SCN7A: variants seen among roughly 807,000 people sequenced by gnomAD.
SCN7A encodes the protein sodium voltage-gated channel alpha subunit 7, also known as sodium channel protein type 7 subunit alpha.
A neutral mutation model predicts 155.2 loss-of-function variants in SCN7A; 138 were observed. The ratio of observed to expected loss-of-function variants is 0.89; its 90% confidence interval spans 0.77 to 1.02. The LOEUF (loss-of-function observed/expected upper bound fraction) is 1.02, where lower values mean the gene tolerates loss of function less well. Among genes scored for constraint, SCN7A ranks in the 50% least tolerant of loss-of-function variants. The probability of loss-of-function intolerance (pLI) is 0.00; values close to 1 mark genes in which losing one functional copy is unlikely to be tolerated. For missense variants in SCN7A, 2,058 were observed against 1,986.6 expected, an observed-to-expected ratio of 1.04 and a Z score of -0.68; for synonymous variants, 693 against 649.0, an observed-to-expected ratio of 1.07 and a Z score of -1.03.
Position 166,410,222 on chromosome 2 carries a change from A to G in SCN7A, c.3709T>C (p.Leu1237=). The part of the protein sequence containing the change: ...EDSQRPVPRP[L]NKLQGFIFDV... ...AAAAAATCTAGACATTTTCTTACTA[A>G]TGGGCGAGGTACTGGTCTTTGAGAA... is the stretch of plus-strand genomic sequence containing the variant. The change falls in exon 24 of 26, where the codon TTA becomes CTA. Residue 1237 remains leucine, a splice_region_variant and synonymous_variant. Transcript: ENST00000643258. 6.5e-7 allele frequency: 1 copy of G among 1,538,842 alleles called. No homozygotes were observed. Among genetic ancestry groups the G allele is most frequent in the Non-Finnish European group, 8.8e-7 (1 of 1,140,656 alleles).
chr2:166,458,681 T>C (rs1173973672), intron 10 of SCN7A, among the ~76,000 whole-genome samples: 1 of 152,176 alleles, frequency 6.6e-6, no homozygotes, highest in African/African-American at 2.4e-5. Flanking sequence ...TACAAATACT[T>C]GGCACAGTGT....
intron 18 of SCN7A, among the ~76,000 whole-genome samples, chr2:166,424,403 A>C (rs898864688): frequency 2.0e-4 from 31 of 152,136 alleles, no homozygotes; most frequent in Non-Finnish European, 3.8e-4. Flanking sequence ...TACGAAGTTT[A>C]AAAAGCATTT....
chr2:166,415,473 TC>T (rs1332857659), intron 21 of SCN7A, among the ~76,000 whole-genome samples: 2 of 152,016 alleles, frequency 1.3e-5, no homozygotes, highest in Non-Finnish European at 2.9e-5. Flanking sequence ...TCTGCCCACC[TC>T]GGCCTCCCAA....
Position 166,405,366 on chromosome 2 carries a change from C to A in SCN7A, c.*214G>T. Reference sequence around the variant, plus strand: ...AGATTGTCAAATGGCCACTTTAACCCACTTTAAACTCACTGCAGCAATATT... The same window carrying A: ...AGATTGTCAAATGGCCACTTTAACCAACTTTAAACTCACTGCAGCAATATT... On this transcript the variant is annotated 3_prime_UTR_variant, in exon 26 of 26. Transcript: ENST00000643258. 2.1e-6 allele frequency: 1 copy of A among 473,182 alleles called. No individual in the cohort carries two copies. The allele number at this position is 473,182 out of a possible 1,614,324, so 29.3% of individuals were successfully genotyped here.
chr2:166,463,123 G>C (rs962278491), intron 9 of SCN7A, among the ~76,000 whole-genome samples: 1 of 152,156 alleles, frequency 6.6e-6, no homozygotes. Flanking sequence ...AAAGCCCTTA[G>C]AACCCATTAT....
intron 7 of SCN7A, among the ~76,000 whole-genome samples, chr2:166,469,539 C>A (rs767596740): frequency 1.3e-5 from 2 of 151,312 alleles, no homozygotes; most frequent in Non-Finnish European, 3.0e-5. Flanking sequence ...TGGTATGTGT[C>A]TAGTATATTC....
rs1294739507 is a variant in SCN7A, at chr2:166,414,267, CACACATATATATATATATACACACACAT to C, written c.3415-1174_3415-1147del. Among the ~76,000 whole-genome samples the C allele has an allele frequency of 1.3e-3, 36 of 28,340 alleles. 1 individual carries two copies. Among genetic ancestry groups the C allele is most frequent in the African/African-American group, 4.7e-3 (25 of 5,362 alleles). The allele number at this position is 28,340 out of a possible 152,430, so 18.6% of individuals were successfully genotyped here. On this transcript the variant is annotated intron_variant, in intron 21 of 25. Coordinates refer to ENST00000643258, the MANE Select transcript of SCN7A (RefSeq NM_002976.4). ...GTAAATATATATAGATATATATACA[CACACATATATATATATATACACACACAT>C]ATATATATATATATATACACATATA...
At chr2:166,419,804 CTG>C (rs1701473785) in intron 20 of SCN7A, among the ~76,000 whole-genome samples, 1 of 152,108 alleles carries the variant, frequency 6.6e-6, no homozygotes, top group East Asian at 1.9e-4. Context: ...TAAATGAAGT[CTG>C]TTTCTTATTA....
At chr2:166,471,173 T>G (rs1702647257) in intron 6 of SCN7A, among the ~76,000 whole-genome samples, 1 of 151,866 alleles carries the variant, frequency 6.6e-6, no homozygotes, top group African/African-American at 2.4e-5. Flanking sequence ...ATAAGCAGAC[T>G]GTGTGTTGTT....
chr2:166,465,532 C>A lies in SCN7A; in HGVS notation c.872-1G>T. The A allele has an allele frequency of 6.3e-7, 1 of 1,589,606 alleles. No homozygotes were observed. The highest frequency in any genetic ancestry group is 8.6e-7 in the Non-Finnish European group (1 of 1,165,578). On this transcript the variant is annotated splice_acceptor_variant, in intron 8 of 25. Transcript: ENST00000643258. LOFTEE classifies it high-confidence loss of function. ...TCCAAATAATAAAAGTTTTCTGTTTCTGAAAAACAGGCAAGAAATGATATT... is the reference window on the plus strand; with the variant it reads ...TCCAAATAATAAAAGTTTTCTGTTTATGAAAAACAGGCAAGAAATGATATT...
At chr2:166,471,734 G>GA (rs1440279715) in intron 6 of SCN7A, among the ~76,000 whole-genome samples, 1 of 148,860 alleles carries the variant, frequency 6.7e-6, no homozygotes, top group Non-Finnish European at 1.5e-5. Flanking sequence ...GTGGGGGGGG[G>GA]GGTGGTGTTT....
chr2:166,412,749 A>C, intron 22 of SCN7A, 82 bp from the exon 23 acceptor site: 4 of 1,425,884 alleles, frequency 2.8e-6, no homozygotes, highest in Non-Finnish European at 3.7e-6. Context: ...AGAAAACAAT[A>C]ACAAAACAAG....
chr2:166,422,050 A>C (rs1354375864), intron 19 of SCN7A, among the ~76,000 whole-genome samples: 2 of 152,126 alleles, frequency 1.3e-5, no homozygotes, highest in Admixed American at 6.6e-5. Context: ...CTAGACACAG[A>C]ACAGTGACTA....
At chr2:166,423,568 G>C in intron 18 of SCN7A, 136 bp from the exon 19 acceptor site, 1 of 931,642 alleles carries the variant, frequency 1.1e-6, no homozygotes, top group South Asian at 2.4e-5. Context: ...CTCCAGGGCT[G>C]GTTCACTATG....
Position 166,472,343 on chromosome 2 carries a change from C to T in SCN7A, c.546G>A (p.Trp182Ter). ...CAAACACAGTTACGCTGAAATCGAG[C>T]CAGTTCCATGGATCACCGAGGAAGG... ...SFSFLGDPWN[W>*]LDFSVTVFEV... is the part of the protein sequence containing the mutation. The change falls in exon 6 of 26, where the codon TGG (tryptophan) becomes TGA (stop). Residue 182 changes from tryptophan to a stop codon, truncating the protein, a stop_gained. Transcript: ENST00000643258. LOFTEE classifies it high-confidence loss of function. 1.2e-6 allele frequency: 2 copies of T among 1,607,754 alleles called. No homozygotes were observed. The highest frequency in any genetic ancestry group is 1.7e-6 in the Non-Finnish European group (2 of 1,176,368).
intron 21 of SCN7A, among the ~76,000 whole-genome samples, chr2:166,414,287 CACACACATATATATATATATATAT>C (rs1559088838): frequency 2.4e-4 from 7 of 29,584 alleles, no homozygotes; most frequent in South Asian, 9.9e-4. Flanking sequence ...TATATATATA[CACACACATATATATATATATATAT>C]ACACATATAT....
At chr2:166,441,318 C>T in intron 15 of SCN7A, 78 bp downstream of exon 15, 1 of 981,472 alleles carries the variant, frequency 1.0e-6, no homozygotes. Flanking sequence ...CCATTAGATC[C>T]CATCAATGCA....
At chr2:166,453,032 T>C (rs1435149339) in intron 11 of SCN7A, among the ~76,000 whole-genome samples, 1 of 152,214 alleles carries the variant, frequency 6.6e-6, no homozygotes, top group East Asian at 1.9e-4. Context: ...CCTTGTTGTG[T>C]TATCTATAAT....
intron 7 of SCN7A, among the ~76,000 whole-genome samples, chr2:166,467,984 T>G (rs974661107): frequency 6.6e-6 from 1 of 151,968 alleles, no homozygotes; most frequent in Non-Finnish European, 1.5e-5. Flanking sequence ...TCCTTTATTA[T>G]TTTAGATAAA....
Sources: allele counts gnomAD v4.1 joint callset (sites outside exome capture counted in the v4.1 genomes callset), GRCh38; gene constraint gnomAD v4.1.1; transcripts MANE v1.5; gene names NCBI Gene and HGNC (gene_info 2026-07-23, HGNC 2026-07-21).